The following RSRC2 variants were observed in gnomAD, a reference collection of about 807,000 sequenced individuals.
The protein encoded by RSRC2 is arginine and serine rich coiled-coil 2, also known as arginine/serine-rich coiled-coil protein 2.
Under a neutral mutation model 61.3 loss-of-function variants are expected in RSRC2, and 5 were observed. The observed-to-expected ratio is 0.08, with a 90% confidence interval of 0.04 to 0.17. The LOEUF is 0.17. RSRC2 is among the 10% of genes least tolerant of loss of function. The pLI is 1.00. For synonymous variants in RSRC2, 202 were observed against 166.5 expected (o/e 1.21, Z -1.64); for missense variants, 381 against 518.8 (o/e 0.73, Z 2.58).
At chr12:122,518,332 C>T (rs1170585438) in intron 4 of RSRC2, among the ~76,000 whole-genome samples, 1 of 152,040 alleles carries the variant, frequency 6.6e-6, no homozygotes, top group Non-Finnish European at 1.5e-5. Flanking sequence ...GTGGCTCACA[C>T]CTGTAATCCC....
chr12:122,511,229 A>C (rs550251761), intron 6 of RSRC2, 41 bp from the exon 7 acceptor site: 1 of 1,445,808 alleles, frequency 6.9e-7, no homozygotes, highest in South Asian at 1.2e-5. Context: ...AACACAATAT[A>C]AAACCATTAT....
At chr12:122,521,097 T>C (rs1353401261) in intron 3 of RSRC2, 3 of 322,548 alleles carry the variant, frequency 9.3e-6, no homozygotes, top group Non-Finnish European at 1.7e-5. Flanking sequence ...CTCAGATTAA[T>C]GGAAGCTCTG....
chr12:122,505,817 T>C, intron 9 of RSRC2, 111 bp from the exon 10 acceptor site: 1 of 928,230 alleles, frequency 1.1e-6, no homozygotes, highest in East Asian at 2.6e-5. Context: ...CTTGCTCTGT[T>C]GTCCCGTCTG....
chr12:122,512,870 A>T (rs1214738996), intron 6 of RSRC2, among the ~76,000 whole-genome samples: 1 of 152,134 alleles, frequency 6.6e-6, no homozygotes, highest in Non-Finnish European at 1.5e-5. Flanking sequence ...CTTGAGAATA[A>T]AAGTTTGTAA....
intron 7 of RSRC2, among the ~76,000 whole-genome samples, chr12:122,509,339 A>G (rs1223552900): frequency 6.6e-6 from 1 of 151,862 alleles, no homozygotes; most frequent in East Asian, 1.9e-4. Context: ...AAGCCCAGGT[A>G]CTCAGGAGGC....
intron 4 of RSRC2, 22 bp from the exon 5 acceptor site, chr12:122,517,452 T>C (rs759737984): frequency 2.2e-5 from 36 of 1,613,646 alleles, no homozygotes; most frequent in Non-Finnish European, 3.0e-5. Context: ...GTGCACAAAT[T>C]TGTAATTACT....
At chr12:122,509,932 G>A (rs1958374280) in intron 7 of RSRC2, among the ~76,000 whole-genome samples, 1 of 151,948 alleles carries the variant, frequency 6.6e-6, no homozygotes, top group Non-Finnish European at 1.5e-5. Context: ...TCTACCTCCC[G>A]AGTTCAAGCC....
chr12:122,526,175 C>G (rs1223382358), intron 1 of RSRC2: 2 of 152,228 alleles, frequency 1.3e-5, no homozygotes, highest in Non-Finnish European at 2.9e-5. Flanking sequence ...TTAACTGTAA[C>G]GCTTCTCGGA....
chr12:122,505,724 A>G lies in RSRC2; in HGVS notation c.1126-18T>C. The G allele has an allele frequency of 6.3e-7, 1 of 1,598,804 alleles. No individual in the cohort carries two copies. Among genetic ancestry groups the G allele is most frequent in the African/African-American group, 1.3e-5 (1 of 74,528 alleles). On this transcript the variant is annotated intron_variant, in intron 9 of 9. Transcript: ENST00000331738. ...TCTTCACTCTAAAAATCAGACATAA[A>G]ACATTACAATGAATTCAGATGGAGA... is the stretch of plus-strand genomic sequence containing the variant.
In RSRC2 at chr12:122,526,875, G is replaced by A. The variant is rs778778190; in HGVS notation, c.-22C>T. ...CCATAGTTCAGAGTCCCGGCCGCTA[G>A]AGCGGCGCCTCCACTTGTCGCTTTC... On this transcript the variant is annotated 5_prime_UTR_variant, in exon 1 of 10. Transcript: ENST00000331738. 3.8e-5 allele frequency: 61 copies of A among 1,613,958 alleles called. No homozygotes were observed. The South Asian group carries it at 6.5e-4, about 17-fold the overall frequency.
intron 8 of RSRC2, chr12:122,507,402 T>TA (rs1484835820): frequency 6.5e-6 from 1 of 154,602 alleles, no homozygotes; most frequent in Non-Finnish European, 1.4e-5. Context: ...AAAAATAAAA[T>TA]AAAAAAATGG....
chr12:122,517,139 C>A, intron 5 of RSRC2, 88 bp downstream of exon 5: 1 of 1,562,496 alleles, frequency 6.4e-7, no homozygotes, highest in Non-Finnish European at 8.8e-7. Flanking sequence ...AGAATTGTGA[C>A]TCACAATTTT....
At chr12:122,525,812 T>TAACGC (rs1565912197) in intron 1 of RSRC2, among the ~76,000 whole-genome samples, 1 of 6,340 alleles carries the variant, frequency 1.6e-4, no homozygotes, top group East Asian at 0.019. Context: ...TTTTTTTTTT[T>TAACGC]TTTTTTTTTT....
At chr12:122,521,002 G>A (rs996043995) in intron 3 of RSRC2, 5 of 220,928 alleles carry the variant, frequency 2.3e-5, no homozygotes, top group South Asian at 6.4e-5. Flanking sequence ...AAAAAGCAGC[G>A]CACAGATATC....
chr12:122,508,153 A>G (rs762126633), intron 8 of RSRC2, 65 bp downstream of exon 8: 12 of 1,416,762 alleles, frequency 8.5e-6, no homozygotes, highest in African/African-American at 1.4e-5. Flanking sequence ...TTCAACCCAA[A>G]TTTGTTTTTC....
rs754261488 is a variant in RSRC2 at position 122,522,285 on chromosome 12, C to T, written c.21G>A (p.Glu7=). The change falls in exon 2 of 10, where the codon GAG becomes GAA. Residue 7 remains glutamate (E), a synonymous_variant. Transcript: ENST00000331738. The stretch of plus-strand genomic sequence containing the variant: ...TCTTTTCTGGGGCTAGTCCATCTCG[C>T]TCTGTATCACTAGCCTAAAAGTTTA... MAASDT[E]RDGLAPEKTS... The T allele has an allele frequency of 4.4e-6, 7 of 1,597,082 alleles. No individual in the cohort carries two copies. The highest frequency in any genetic ancestry group is 5.1e-6 in the Non-Finnish European group (6 of 1,175,082).
At chr12:122,507,030 TTCAA>T (rs745727544) in intron 8 of RSRC2, 107 bp from the exon 9 acceptor site, 2 of 691,990 alleles carry the variant, frequency 2.9e-6, no homozygotes, top group South Asian at 1.6e-5. Context: ...ATGGATAGCA[TTCAA>T]TCAATGTAAG....
At position 122,504,570 on chromosome 12, in the gene RSRC2, A is replaced by C. The variant is rs893519680; in HGVS notation, c.*957T>G. 6.6e-6 allele frequency: 1 copy of C among 152,282 alleles called. No homozygotes were observed. Among genetic ancestry groups the C allele is most frequent in the Non-Finnish European group, 1.5e-5 (1 of 68,058 alleles). The allele number at this position is 152,282 out of a possible 1,614,324, so 9.4% of individuals were successfully genotyped here. A position where few individuals can be genotyped will look rare whatever the true frequency, so the allele number is the denominator to read the frequency against. ...GAACCTGGGGGGCAGAGGCTCTGGC[A>C]GTGAGCCGAGATTGTGCCACTGCAC... On this transcript the variant is annotated 3_prime_UTR_variant, in exon 10 of 10. Transcript: ENST00000331738.
rs147018142 is a variant in RSRC2, at chr12:122,521,769, A to G, written c.164-341T>C. Among the ~76,000 whole-genome samples, 714 of 152,364 alleles carry G rather than the reference A, an allele frequency of 4.7e-3. 11 individuals carry two copies. The highest frequency in any genetic ancestry group is 0.015 in the African/African-American group (616 of 41,590). ...GAGAGGTAAGCCATTAAGAAAAATA[A>G]AAACTAAAGAAAATAAACAGGTTGA... On this transcript the variant is annotated intron_variant, in intron 2 of 9. Coordinates refer to ENST00000331738, the MANE Select transcript of RSRC2 (RefSeq NM_023012.6).
Sources: allele counts gnomAD v4.1 joint callset (sites outside exome capture counted in the v4.1 genomes callset), GRCh38; gene constraint gnomAD v4.1.1; transcripts MANE v1.5; gene names NCBI Gene and HGNC (gene_info 2026-07-23, HGNC 2026-07-21).